CALN1: variants seen among roughly 807,000 people sequenced by gnomAD.
CALN1 encodes the protein calcium-binding protein 8.
CALN1 carries 17 observed loss-of-function variants against 30.6 expected under a neutral mutation model. The observed-to-expected ratio is 0.56, with a 90% CI of 0.38 to 0.83. The LOEUF is 0.83. Among genes scored for constraint, CALN1 ranks in the 40% least tolerant of loss-of-function variants. The probability of loss-of-function intolerance (pLI) is 0.00; values close to 1 mark genes in which losing one functional copy is unlikely to be tolerated. For synonymous variants in CALN1, 156 were observed against 131.4 expected (o/e 1.19, Z -1.28); for missense variants, 291 against 354.9 (o/e 0.82, Z 1.45).
intron 5 of CALN1, among the ~76,000 whole-genome samples, chr7:71,918,931 C>A (rs944529031): frequency 6.6e-6 from 1 of 152,136 alleles, no homozygotes; most frequent in Non-Finnish European, 1.5e-5. Context: ...TTATGGTTTG[C>A]CATATTTTAT....
chr7:71,867,655 G>C (rs551806044), intron 5 of CALN1, among the ~76,000 whole-genome samples: 3 of 152,008 alleles, frequency 2.0e-5, no homozygotes, highest in East Asian at 1.9e-4. Flanking sequence ...GGATGGTCTC[G>C]ATCTTTCGAC....
At chr7:72,349,282 TTGTGTGTGTGTGTGTGTGTGTGTGTG>T (rs3032183) in intron 2 of CALN1, among the ~76,000 whole-genome samples, 6 of 147,754 alleles carry the variant, frequency 4.1e-5, no homozygotes, top group African/African-American at 1.0e-4. Context: ...ACACGCGTGC[TTGTGTGTGTGTGTGTGTGTGTGTGTG>T]TGTGTGTGTG....
At chr7:72,274,503 C>CAA (rs397889197) in intron 3 of CALN1, among the ~76,000 whole-genome samples, 27 of 101,260 alleles carry the variant, frequency 2.7e-4, no homozygotes, top group Non-Finnish European at 3.9e-4. Flanking sequence ...GAGACTGTCT[C>CAA]AAAAAAAAAA....
At chr7:71,910,788 CTTGT>C (rs1306090557) in intron 5 of CALN1, among the ~76,000 whole-genome samples, 2 of 152,142 alleles carry the variant, frequency 1.3e-5, no homozygotes, top group Non-Finnish European at 2.9e-5. Context: ...TTTTTCTCAG[CTTGT>C]TTCTCGAACT....
rs1378201544 is a variant in CALN1 at position 71,785,256 on chromosome 7, T to TGGGAGCAAGAAGAAGGTCACC, written c.*2498_*2518dup. Reference sequence around the variant, plus strand: ...GAGGGTGGGCTTGCTTCCAGGTCACTGGGAGCAAGAAGAAGGTCACCGTTA... The same window carrying TGGGAGCAAGAAGAAGGTCACC: ...GAGGGTGGGCTTGCTTCCAGGTCACTGGGAGCAAGAAGAAGGTCACCGGGAGCAAGAAGAAGGTCACCGTTA... On this transcript the variant is annotated 3_prime_UTR_variant, in exon 7 of 7. Coordinates refer to ENST00000395275, the MANE Select transcript of CALN1 (RefSeq NM_031468.4). 5 of 171,978 alleles carry TGGGAGCAAGAAGAAGGTCACC rather than the reference T, an allele frequency of 2.9e-5. No homozygotes were observed. Among genetic ancestry groups the TGGGAGCAAGAAGAAGGTCACC allele is most frequent in the Admixed American group, 6.3e-5 (1 of 15,858 alleles). 10.7% of individuals were successfully genotyped at this position (171,978 alleles called of 1,614,324 possible). A position where few individuals can be genotyped will look rare whatever the true frequency, so the allele number is the denominator to read the frequency against.
chr7:72,097,493 A>G (rs372289871), intron 4 of CALN1, among the ~76,000 whole-genome samples: 3 of 152,106 alleles, frequency 2.0e-5, no homozygotes, highest in African/African-American at 4.8e-5. Context: ...TCAAGAAGCC[A>G]TTCTTCTCAA....
At chr7:72,401,118 C>T (rs553298283) in intron 2 of CALN1, among the ~76,000 whole-genome samples, 8 of 152,234 alleles carry the variant, frequency 5.3e-5, no homozygotes, top group Admixed American at 2.6e-4. Context: ...GAAAAGATGA[C>T]CTATAGATGG....
At chr7:71,882,948 C>T (rs982085144) in intron 5 of CALN1, among the ~76,000 whole-genome samples, 3 of 151,600 alleles carry the variant, frequency 2.0e-5, no homozygotes, top group African/African-American at 7.3e-5. Context: ...CTACTGGCTT[C>T]AAGCAATCCC....
intron 1 of CALN1, among the ~76,000 whole-genome samples, chr7:72,410,933 G>A (rs1209507142): frequency 6.6e-6 from 1 of 151,606 alleles, no homozygotes; most frequent in Admixed American, 6.6e-5. Context: ...GACAATTAGA[G>A]GCATAAGATG....
chr7:72,002,178 G>C (rs1006561847), intron 5 of CALN1, among the ~76,000 whole-genome samples: 1 of 152,176 alleles, frequency 6.6e-6, no homozygotes, highest in Admixed American at 6.5e-5. Context: ...GATGCTCCTT[G>C]AGTTATGATG....
chr7:71,863,441 C>T (rs1026630607), intron 5 of CALN1, among the ~76,000 whole-genome samples: 2 of 151,200 alleles, frequency 1.3e-5, no homozygotes, highest in Non-Finnish European at 2.9e-5. Context: ...GCCTGTAGTC[C>T]CAGCTACTCC....
upstream of CALN1, among the ~76,000 whole-genome samples, chr7:72,451,344 GAGA>G (rs1291989102): frequency 1.5e-5 from 2 of 137,074 alleles, no homozygotes; most frequent in Non-Finnish European, 3.1e-5. Context: ...GAGGAGGAGG[GAGA>G]AGAAGAGAAA....
rs543345934 is a variant in CALN1 at position 72,101,068 on chromosome 7, A to AT, written c.388+5082dup. 1.8e-3 allele frequency among the ~76,000 whole-genome samples: 278 copies of AT among 151,904 alleles called. 2 individuals carry two copies. The highest frequency in any genetic ancestry group is 6.8e-3 in the Middle Eastern group (2 of 294). On this transcript the variant is annotated intron_variant, in intron 4 of 6. Coordinates refer to ENST00000395275, the MANE Select transcript of CALN1 (RefSeq NM_031468.4). Reference sequence around the variant, plus strand: ...AACCTCTGCCTCCTGGGTTCAAGTGATTCTCGTGCCTTAGCCTCCCGAGTA... The same window carrying AT: ...AACCTCTGCCTCCTGGGTTCAAGTGATTTCTCGTGCCTTAGCCTCCCGAGTA...
At chr7:71,927,362 A>C (rs1795322334) in intron 5 of CALN1, among the ~76,000 whole-genome samples, 1 of 152,096 alleles carries the variant, frequency 6.6e-6, no homozygotes, top group South Asian at 2.1e-4. Flanking sequence ...GGCGTGCACC[A>C]CCATGCCTGG....
At chr7:72,318,274 T>C (rs114529894) in intron 2 of CALN1, among the ~76,000 whole-genome samples, 2,904 of 152,142 alleles carry the variant, frequency 0.019, 84 homozygotes, top group African/African-American at 0.066. Context: ...CTCTGAAGAA[T>C]TCAAGGGACT....
chr7:71,963,628 TTTC>T (rs1406582022), intron 5 of CALN1, among the ~76,000 whole-genome samples: 2 of 152,194 alleles, frequency 1.3e-5, no homozygotes, highest in Non-Finnish European at 2.9e-5. Context: ...CTCTTCTTTT[TTTC>T]TTATCGTCTC....
intron 2 of CALN1, among the ~76,000 whole-genome samples, chr7:72,380,000 G>A (rs763624254): frequency 6.6e-5 from 10 of 152,138 alleles, no homozygotes; most frequent in African/African-American, 9.7e-5. Flanking sequence ...TATGCCTGTC[G>A]GTCTATGTAA....
intron 5 of CALN1, among the ~76,000 whole-genome samples, chr7:71,828,484 G>A (rs537928444): frequency 6.6e-6 from 1 of 152,126 alleles, no homozygotes; most frequent in South Asian, 2.1e-4. Flanking sequence ...GAGCTAAAGG[G>A]AAAATTCAAG....
intron 3 of CALN1, among the ~76,000 whole-genome samples, chr7:72,168,796 A>ATTTTT: frequency 8.9e-6 from 1 of 112,986 alleles, no homozygotes; most frequent in Non-Finnish European, 1.7e-5. Flanking sequence ...GCTTATTATT[A>ATTTTT]TTATTATTAT....
Sources: gnomAD v4.1 joint callset for allele counts (sites outside exome capture counted in the v4.1 genomes callset) on GRCh38, gnomAD v4.1.1 for gene constraint, MANE v1.5 for transcripts, NCBI Gene and HGNC (gene_info 2026-07-23, HGNC 2026-07-21) for gene names.